The following ADGRB3 variants were observed in gnomAD, a reference collection of about 807,000 sequenced individuals.
The protein encoded by ADGRB3 is adhesion G protein-coupled receptor B3, also known as brain-specific angiogenesis inhibitor 3.
In ADGRB3, 37 loss-of-function variants were observed where a neutral mutation model predicts 193.4. The observed-to-expected ratio is 0.19, with a 90% CI of 0.15 to 0.25. The LOEUF is 0.25. Ranked by LOEUF, ADGRB3 falls within the 10% of genes least tolerant of loss-of-function variation. The pLI is 1.00. For missense variants in ADGRB3, 1,637 were observed against 1,852.9 expected (o/e 0.88, Z 2.14); for synonymous variants, 690 against 644.2 (o/e 1.07, Z -1.08).
intron 3 of ADGRB3, among the ~76,000 whole-genome samples, chr6:68,741,323 A>G (rs576328856): frequency 6.6e-6 from 1 of 152,310 alleles, no homozygotes; most frequent in East Asian, 1.9e-4. Flanking sequence ...TCACATAGCT[A>G]TCAAATGTGA....
intron 20 of ADGRB3, among the ~76,000 whole-genome samples, chr6:69,307,577 G>C (rs1314013694): frequency 1.3e-5 from 2 of 151,494 alleles, no homozygotes; most frequent in African/African-American, 4.9e-5. Flanking sequence ...GGCTTGACCA[G>C]GTCTTGTCTT....
At chr6:68,923,620 T>C (rs933859417) in intron 3 of ADGRB3, among the ~76,000 whole-genome samples, 2 of 152,070 alleles carry the variant, frequency 1.3e-5, no homozygotes, top group Non-Finnish European at 2.9e-5. Flanking sequence ...ATGTATACAG[T>C]GATATTGCTT....
chr6:68,750,423 G>T (rs192628669), intron 3 of ADGRB3, among the ~76,000 whole-genome samples: 1 of 152,050 alleles, frequency 6.6e-6, no homozygotes, highest in East Asian at 1.9e-4. Context: ...ATTGCTGGGG[G>T]TTTAGACTCC....
chr6:69,024,609 C>G (rs555260411), intron 13 of ADGRB3, among the ~76,000 whole-genome samples: 1 of 152,192 alleles, frequency 6.6e-6, no homozygotes, highest in Non-Finnish European at 1.5e-5. Context: ...ATACAGAATG[C>G]TATAATTATT....
chr6:68,643,410 C>A (rs1188319728), intron 3 of ADGRB3, among the ~76,000 whole-genome samples: 2 of 143,934 alleles, frequency 1.4e-5, no homozygotes, highest in Non-Finnish European at 3.0e-5. Flanking sequence ...AGTCATCATT[C>A]ACCTTTCTCT....
chr6:69,048,064 A>T (rs774397039), intron 13 of ADGRB3, 121 bp from the exon 14 acceptor site: 1 of 1,092,920 alleles, frequency 9.1e-7, no homozygotes, highest in Admixed American at 2.5e-5. Flanking sequence ...TGTTGCTCTG[A>T]TAAATACAAT....
chr6:68,641,789 G>GA (rs1233703796), intron 3 of ADGRB3, among the ~76,000 whole-genome samples: 1 of 152,032 alleles, frequency 6.6e-6, no homozygotes, highest in Non-Finnish European at 1.5e-5. Flanking sequence ...AAAGGAATGT[G>GA]AAAATCTATT....
At chr6:69,033,702 T>C (rs986798375) in intron 13 of ADGRB3, among the ~76,000 whole-genome samples, 1 of 152,140 alleles carries the variant, frequency 6.6e-6, no homozygotes, top group Non-Finnish European at 1.5e-5. Context: ...CTAAAATATT[T>C]ATCAGTGTTT....
At chr6:68,781,899 A>C (rs779487647) in intron 3 of ADGRB3, among the ~76,000 whole-genome samples, 9 of 152,102 alleles carry the variant, frequency 5.9e-5, no homozygotes, top group Non-Finnish European at 1.2e-4. Flanking sequence ...TTACAAGCGA[A>C]AGAAGGGAAG....
At chr6:68,744,898 G>A (rs767287791) in intron 3 of ADGRB3, among the ~76,000 whole-genome samples, 1 of 151,966 alleles carries the variant, frequency 6.6e-6, no homozygotes, top group Non-Finnish European at 1.5e-5. Flanking sequence ...TTAAAAAATA[G>A]GAATAAACAA....
At chr6:68,979,643 A>G (rs3798985) in intron 10 of ADGRB3, among the ~76,000 whole-genome samples, 1 of 151,610 alleles carries the variant, frequency 6.6e-6, no homozygotes, top group East Asian at 1.9e-4. Context: ...TTTGAATTGT[A>G]TACCAGAAAA....
intron 6 of ADGRB3, among the ~76,000 whole-genome samples, chr6:68,944,385 A>G (rs1767720908): frequency 6.6e-6 from 1 of 152,038 alleles, no homozygotes; most frequent in Non-Finnish European, 1.5e-5. Flanking sequence ...ATTCTCTTAC[A>G]CTTATTCAAT....
chr6:68,811,898 A>G (rs1408381949), intron 3 of ADGRB3, among the ~76,000 whole-genome samples: 1 of 152,272 alleles, frequency 6.6e-6, no homozygotes, highest in Non-Finnish European at 1.5e-5. Flanking sequence ...CACACAATTA[A>G]TACATTTTTA....
chr6:69,289,500 G>A (rs1415179070), intron 20 of ADGRB3, among the ~76,000 whole-genome samples: 2 of 152,096 alleles, frequency 1.3e-5, no homozygotes, highest in East Asian at 1.9e-4. Context: ...CAGGTGTTAC[G>A]GTTTTGCCCC....
intron 3 of ADGRB3, among the ~76,000 whole-genome samples, chr6:68,915,681 T>G (rs2150239698): frequency 1.3e-5 from 2 of 152,020 alleles, no homozygotes; most frequent in South Asian, 4.2e-4. Context: ...GCCCCATCTA[T>G]CAGCAGAGAT....
intron 3 of ADGRB3, among the ~76,000 whole-genome samples, chr6:68,677,823 T>A (rs1220649306): frequency 6.6e-6 from 1 of 152,116 alleles, no homozygotes; most frequent in East Asian, 1.9e-4. Flanking sequence ...GCCAGGCTGG[T>A]CTTGAACTTC....
Position 69,288,121 on chromosome 6 carries a change from A to G in ADGRB3, c.2815-36751A>G, listed in dbSNP as rs184010066. Among the ~76,000 whole-genome samples, 219 of 152,224 alleles carry G rather than the reference A, an allele frequency of 1.4e-3. 2 individuals carry two copies. The highest frequency in any genetic ancestry group is 5.0e-3 in the African/African-American group (207 of 41,532). On this transcript the variant is annotated intron_variant, in intron 20 of 31. Coordinates refer to ENST00000370598, the MANE Select transcript of ADGRB3 (RefSeq NM_001704.3). ...GTGCAGGTTTGTTACATAGGTATAC[A>G]TGTGCCATGGTGGTTTGCTTTACCC...
At chr6:69,136,124 G>A (rs1474805237) in intron 17 of ADGRB3, among the ~76,000 whole-genome samples, 1 of 151,972 alleles carries the variant, frequency 6.6e-6, no homozygotes, top group Non-Finnish European at 1.5e-5. Flanking sequence ...TTATGTATGT[G>A]GGTGTGGACA....
chr6:68,717,525 G>A (rs1251491232), intron 3 of ADGRB3, among the ~76,000 whole-genome samples: 1 of 151,498 alleles, frequency 6.6e-6, no homozygotes, highest in Non-Finnish European at 1.5e-5. Context: ...AGTGCAAGGT[G>A]ATGCATTTAG....
Sources: allele counts gnomAD v4.1 joint callset (sites outside exome capture counted in the v4.1 genomes callset), GRCh38; gene constraint gnomAD v4.1.1; transcripts MANE v1.5; gene names NCBI Gene and HGNC (gene_info 2026-07-23, HGNC 2026-07-21).